RAPGEF6: variants seen among roughly 807,000 people sequenced by gnomAD.
The protein encoded by RAPGEF6 is Rap guanine nucleotide exchange factor 6.
In RAPGEF6, 56 loss-of-function variants were observed where a neutral mutation model predicts 171.4. The observed-to-expected ratio is 0.33, with a 90% confidence interval of 0.26 to 0.41. The LOEUF is 0.41. Among genes scored for constraint, RAPGEF6 ranks in the 10% least tolerant of loss-of-function variants. The probability of loss-of-function intolerance (pLI) is 1.00; values close to 1 mark genes in which losing one functional copy is unlikely to be tolerated. For missense variants in RAPGEF6, 1,674 were observed against 1,921.4 expected (o/e 0.87, Z 2.41); for synonymous variants, 692 against 650.1 (o/e 1.06, Z -0.98).
intron 19 of RAPGEF6, among the ~76,000 whole-genome samples, chr5:131,456,390 T>G (rs1378283816): frequency 6.6e-6 from 1 of 152,226 alleles, no homozygotes; most frequent in Non-Finnish European, 1.5e-5. Flanking sequence ...GTTTAAGTAA[T>G]GCTGAGAACA....
chr5:131,484,222 C>CTTTTTT (rs751000560), intron 15 of RAPGEF6, among the ~76,000 whole-genome samples: 20 of 74,112 alleles, frequency 2.7e-4, no homozygotes, highest in East Asian at 3.5e-4. Context: ...ACTGCAGAGG[C>CTTTTTT]TTTTTTTTTT....
intron 15 of RAPGEF6, among the ~76,000 whole-genome samples, chr5:131,488,358 C>T (rs1756062541): frequency 6.6e-6 from 1 of 152,042 alleles, no homozygotes; most frequent in Non-Finnish European, 1.5e-5. Context: ...TTAGAAGAAA[C>T]CTAGGAAATA....
intron 4 of RAPGEF6, among the ~76,000 whole-genome samples, chr5:131,586,137 C>CA (rs1398852562): frequency 6.6e-6 from 1 of 152,116 alleles, no homozygotes; most frequent in Non-Finnish European, 1.5e-5. Context: ...ACAGGAAAGA[C>CA]AAATTTTTCT....
At chr5:131,514,789 G>T (rs1757968380) in intron 7 of RAPGEF6, among the ~76,000 whole-genome samples, 1 of 152,048 alleles carries the variant, frequency 6.6e-6, no homozygotes, top group Non-Finnish European at 1.5e-5. Flanking sequence ...AAATATGTGG[G>T]TCAAAAGACA....
At chr5:131,597,598 CAT>C (rs944505441) in intron 3 of RAPGEF6, among the ~76,000 whole-genome samples, 21 of 151,978 alleles carry the variant, frequency 1.4e-4, no homozygotes, top group African/African-American at 5.1e-4. Context: ...ATAAGACAGA[CAT>C]AGAGAGGCAA....
intron 6 of RAPGEF6, among the ~76,000 whole-genome samples, chr5:131,538,308 T>C (rs1315985906): frequency 1.3e-5 from 2 of 152,142 alleles, no homozygotes; most frequent in African/African-American, 2.4e-5. Flanking sequence ...TCACTGAGTG[T>C]AGCTACAGAA....
At chr5:131,585,781 G>T (rs780787656) in intron 4 of RAPGEF6, among the ~76,000 whole-genome samples, 1 of 152,104 alleles carries the variant, frequency 6.6e-6, no homozygotes, top group Non-Finnish European at 1.5e-5. Context: ...AGCCAAGATC[G>T]CGCCATTGCA....
chr5:131,530,579 A>C (rs1425302952), intron 6 of RAPGEF6, among the ~76,000 whole-genome samples: 1 of 152,208 alleles, frequency 6.6e-6, no homozygotes, highest in Non-Finnish European at 1.5e-5. Context: ...CCAGAGTCAA[A>C]ATTTCATCAA....
chr5:131,566,852 T>C (rs182693845), intron 4 of RAPGEF6, among the ~76,000 whole-genome samples: 79 of 152,062 alleles, frequency 5.2e-4, no homozygotes, highest in African/African-American at 1.9e-3. Flanking sequence ...CTGACACCTA[T>C]AATCCCAGCA....
intron 6 of RAPGEF6, among the ~76,000 whole-genome samples, chr5:131,526,861 C>G (rs1003211721): frequency 6.6e-5 from 10 of 152,048 alleles, no homozygotes; most frequent in Non-Finnish European, 1.2e-4. Flanking sequence ...TTATTTGAAG[C>G]AGCAAGAAAG....
At chr5:131,491,590 A>T (rs1336304056) in intron 14 of RAPGEF6, among the ~76,000 whole-genome samples, 1 of 152,148 alleles carries the variant, frequency 6.6e-6, no homozygotes, top group African/African-American at 2.4e-5. Flanking sequence ...ACACAGCAGG[A>T]GGTGAGCAGT....
At chr5:131,611,362 T>C (rs1179777360) in intron 1 of RAPGEF6, among the ~76,000 whole-genome samples, 2 of 152,252 alleles carry the variant, frequency 1.3e-5, no homozygotes, top group East Asian at 3.8e-4. Context: ...TTTAGTTTTC[T>C]AGTATTTTTA....
intron 17 of RAPGEF6, among the ~76,000 whole-genome samples, chr5:131,468,583 TA>T (rs895820831): frequency 9.5e-5 from 12 of 126,548 alleles, no homozygotes; most frequent in African/African-American, 3.1e-4. Flanking sequence ...AGATGATCTT[TA>T]AAAAAAAAGA....
intron 24 of RAPGEF6, chr5:131,436,028 A>C: frequency 6.5e-7 from 1 of 1,536,988 alleles, no homozygotes; most frequent in Non-Finnish European, 8.7e-7. Flanking sequence ...TGGCTATTTG[A>C]ATTGAAGATG....
intron 4 of RAPGEF6, among the ~76,000 whole-genome samples, chr5:131,574,361 G>C (rs2149983191): frequency 6.6e-6 from 1 of 152,280 alleles, no homozygotes; most frequent in African/African-American, 2.4e-5. Flanking sequence ...CGCCTTGGAA[G>C]ACCCCTGGAC....
At chr5:131,629,059 C>CA (rs770615522) in intron 1 of RAPGEF6, among the ~76,000 whole-genome samples, 8 of 152,158 alleles carry the variant, frequency 5.3e-5, no homozygotes, top group Non-Finnish European at 1.0e-4. Context: ...TTTCAACCTT[C>CA]AAGTCTTGTT....
intron 26 of RAPGEF6, 132 bp from the exon 27 acceptor site, chr5:131,429,348 C>A (rs1243244463): frequency 1.3e-6 from 1 of 773,718 alleles, no homozygotes. Flanking sequence ...TGAATGATGG[C>A]AGATCAAAAA....
intron 7 of RAPGEF6, among the ~76,000 whole-genome samples, chr5:131,511,897 TAGAA>T (rs1295588806): frequency 6.6e-5 from 10 of 152,310 alleles, no homozygotes; most frequent in African/African-American, 1.4e-4. Flanking sequence ...TAAACTAAGT[TAGAA>T]AGAGCTTTTC....
At chr5:131,579,570 A>G (rs1762813337) in intron 4 of RAPGEF6, among the ~76,000 whole-genome samples, 1 of 152,228 alleles carries the variant, frequency 6.6e-6, no homozygotes, top group Non-Finnish European at 1.5e-5. Flanking sequence ...GCTAGACACC[A>G]AAGTTCTCCA....
Sources: allele counts gnomAD v4.1 joint callset (sites outside exome capture counted in the v4.1 genomes callset), GRCh38; gene constraint gnomAD v4.1.1; transcripts MANE v1.5; gene names NCBI Gene and HGNC (gene_info 2026-07-23, HGNC 2026-07-21).